The following KRT86 variants were observed in gnomAD, a reference collection of about 807,000 sequenced individuals.
KRT86 encodes the protein keratin 86, also known as keratin, type II cuticular Hb6.
A neutral mutation model predicts 41.2 loss-of-function variants in KRT86; 30 were observed. That is an observed-to-expected ratio of 0.73 (90% confidence interval 0.54 to 0.99). The LOEUF (loss-of-function observed/expected upper bound fraction) is 0.99. KRT86 is among the 50% of genes least tolerant of loss of function. The probability of loss-of-function intolerance (pLI) is 0.00; values close to 1 mark genes in which losing one functional copy is unlikely to be tolerated. For missense variants in KRT86, 561 were observed against 571.4 expected, an observed-to-expected ratio of 0.98 and a Z score of 0.19; for synonymous variants, 238 against 238.1, an observed-to-expected ratio of 1.00 and a Z score of 0.00.
At chr12:52,287,605 G>A in intron 2 of KRT86, 1 of 1,613,882 alleles carries the variant, frequency 6.2e-7, no homozygotes, top group Non-Finnish European at 8.5e-7. Flanking sequence ...CCTGGCACTT[G>A]GCATTCTCCA....
rs759569087 is a variant in KRT86, at chr12:52,305,282, G to A, written c.778G>A (p.Val260Ile). The A allele has an allele frequency of 8.1e-6, 13 of 1,614,204 alleles. No individual in the cohort carries two copies. The highest frequency in any genetic ancestry group is 1.1e-5 in the Non-Finnish European group (13 of 1,180,038). ...GTCCCACATCTCAGACACCTCCGTG[G>A]TTGTCAAGCTGGACAACAGCCGGGA... ...LQSHISDTSV[V>I]VKLDNSRDLN... Residue 260 changes from valine (V) to isoleucine (I), a missense_variant, in exon 7 of 11, where the codon GTT (valine) becomes ATT (isoleucine). Val to Ile is a conservative substitution (Grantham distance 29). Transcript: ENST00000423955.
intron 9 of KRT86, chr12:52,306,631 T>A (rs370844543): frequency 3.3e-5 from 14 of 427,738 alleles, no homozygotes; most frequent in East Asian, 2.9e-4. Context: ...TCCTTCTCTT[T>A]TTCCTAGTCT....
chr12:52,280,953 C>T (rs1031525718), intron 2 of KRT86, among the ~76,000 whole-genome samples: 1 of 152,206 alleles, frequency 6.6e-6, no homozygotes, highest in African/African-American at 2.4e-5. Flanking sequence ...CTCACATTTT[C>T]CCTTTTCAAA....
rs1350806721 is a variant in KRT86 at position 52,283,874 on chromosome 12, C to T, written c.-5+7928C>T. On this transcript the variant is annotated intron_variant, in intron 2 of 10. Coordinates refer to ENST00000423955, the MANE Select transcript of KRT86 (RefSeq NM_001320198.2). ...CAGTGAGATGTTCCATTTTCTTCAC[C>T]ATTCTGCACCCGGGGCATTATGTGT... Among the ~76,000 whole-genome samples, 5 of 152,070 alleles carry T rather than the reference C, an allele frequency of 3.3e-5. No homozygotes were observed. The East Asian group carries it at 9.6e-4, about 29-fold the overall frequency.
chr12:52,306,482 G>T, intron 9 of KRT86: 1 of 757,642 alleles, frequency 1.3e-6, no homozygotes, highest in Non-Finnish European at 2.1e-6. Context: ...TGAGATTGCA[G>T]TCTTGTTCAT....
chr12:52,305,610 G>A (rs1938492075), intron 7 of KRT86, 53 bp from the exon 8 acceptor site: 1 of 1,613,760 alleles, frequency 6.2e-7, no homozygotes, highest in Non-Finnish European at 8.5e-7. Flanking sequence ...GTCATGCCCT[G>A]AATGGGTGGG....
chr12:52,286,785 A>G (rs774624443), intron 2 of KRT86: 2 of 1,613,800 alleles, frequency 1.2e-6, no homozygotes, highest in Non-Finnish European at 1.7e-6. Flanking sequence ...GACCCCAAAT[A>G]CTCACAGACA....
rs534459175 is a variant in KRT86, at chr12:52,287,097, C to T, written c.-5+11151C>T. 5 of 1,612,824 alleles carry T rather than the reference C, an allele frequency of 3.1e-6. 1 individual carries two copies. The African/African-American group carries it at 5.3e-5, about 17-fold the overall frequency. ...TGGTTCTGGGCCACCCTTGGTTGGA[C>T]CCACCTCTGCTCCTCGCCCTCCAGC... On this transcript the variant is annotated intron_variant, in intron 2 of 10. Coordinates refer to ENST00000423955, the MANE Select transcript of KRT86 (RefSeq NM_001320198.2).
At chr12:52,296,428 A>G (rs914853896) in intron 2 of KRT86, among the ~76,000 whole-genome samples, 1 of 152,170 alleles carries the variant, frequency 6.6e-6, no homozygotes, top group African/African-American at 2.4e-5. Context: ...CCAGATTTAT[A>G]GTAATGAACC....
chr12:52,277,067 C>T (rs1362164917), intron 2 of KRT86, among the ~76,000 whole-genome samples: 3 of 152,174 alleles, frequency 2.0e-5, no homozygotes, highest in Non-Finnish European at 2.9e-5. Flanking sequence ...GCAGCAAATA[C>T]ACTTCACCAA....
chr12:52,282,141 G>T (rs756803849), intron 2 of KRT86, among the ~76,000 whole-genome samples: 1 of 152,176 alleles, frequency 6.6e-6, no homozygotes, highest in African/African-American at 2.4e-5. Flanking sequence ...AGGTATTGCT[G>T]CATGTAAAGT....
At chr12:52,305,987 C>G (rs116816696) in intron 8 of KRT86, 73 bp from the exon 9 acceptor site, 9 of 1,593,294 alleles carry the variant, frequency 5.6e-6, no homozygotes, top group African/African-American at 1.3e-5. Context: ...TGGTGGGGAG[C>G]ATGGTCTCAT....
At position 52,308,417 on chromosome 12, in the gene KRT86, C is replaced by T. The variant is rs1032608732; in HGVS notation, c.1293C>T (p.Ser431=). The T allele has an allele frequency of 5.0e-6, 8 of 1,611,816 alleles. No individual in the cohort carries two copies. The highest frequency in any genetic ancestry group is 2.2e-5 in the South Asian group (2 of 90,974). ...VGSVNVCVSS[S]RGGVVCGDLC... ...TTTCCCCTGCAGGCGTCAGCAGCTC[C>T]CGCGGTGGCGTTGTCTGTGGCGATC... Residue 431 remains serine, a synonymous_variant, in exon 11 of 11, where the codon TCC becomes TCT. Transcript: ENST00000423955.
At chr12:52,304,519 A>T (rs1048603954) in intron 5 of KRT86, among the ~76,000 whole-genome samples, 3 of 151,260 alleles carry the variant, frequency 2.0e-5, no homozygotes, top group African/African-American at 7.3e-5. Context: ...CATTTTGGGG[A>T]GTCTGACCTT....
chr12:52,283,560 C>A (rs1417648480), intron 2 of KRT86, among the ~76,000 whole-genome samples: 2 of 147,796 alleles, frequency 1.4e-5, no homozygotes, highest in Admixed American at 1.3e-4. Flanking sequence ...CTCACTGCAA[C>A]CTCCACCTCT....
chr12:52,286,693 T>C (rs1937950649), intron 2 of KRT86: 2 of 1,373,368 alleles, frequency 1.5e-6, no homozygotes, highest in East Asian at 4.6e-5. Context: ...GCCAGCCCAC[T>C]CTTTTATATT....
rs770517793 is a variant in KRT86 at position 52,305,278 on chromosome 12, C to T, written c.774C>T (p.Ser258=). 1 of 1,614,178 alleles carries T rather than the reference C, an allele frequency of 6.2e-7. No homozygotes were observed. Among genetic ancestry groups the T allele is most frequent in the South Asian group, 1.1e-5 (1 of 91,084 alleles). ...TCCAGTCCCACATCTCAGACACCTC[C>T]GTGGTTGTCAAGCTGGACAACAGCC... ...RVLQSHISDT[S]VVVKLDNSRD... The change falls in exon 7 of 11, where the codon TCC becomes TCT. Residue 258 remains serine, a synonymous_variant. Transcript: ENST00000423955.
At chr12:52,304,517 G>A (rs1459802180) in intron 5 of KRT86, among the ~76,000 whole-genome samples, 2 of 151,414 alleles carry the variant, frequency 1.3e-5, no homozygotes, top group Admixed American at 6.6e-5. Context: ...AGCATTTTGG[G>A]GAGTCTGACC....
chr12:52,295,516 A>G (rs1056793799), intron 2 of KRT86, among the ~76,000 whole-genome samples: 4 of 152,186 alleles, frequency 2.6e-5, no homozygotes, highest in Non-Finnish European at 5.9e-5. Context: ...TAAAAACACA[A>G]ACACTCATCT....
Sources: gnomAD v4.1 joint callset for allele counts (sites outside exome capture counted in the v4.1 genomes callset) on GRCh38, gnomAD v4.1.1 for gene constraint, MANE v1.5 for transcripts, NCBI Gene and HGNC (gene_info 2026-07-23, HGNC 2026-07-21) for gene names.